Variants in PTPN4 observed in about 807,000 individuals in gnomAD.
PTPN4 encodes tyrosine-protein phosphatase non-receptor type 4.
Under a neutral mutation model 135.5 loss-of-function variants are expected in PTPN4, and 49 were observed. The ratio of observed to expected loss-of-function variants is 0.36; its 90% CI spans 0.29 to 0.46. PTPN4 has a LOEUF of 0.46. Ranked by LOEUF, PTPN4 falls within the 20% of genes least tolerant of loss-of-function variation. PTPN4 has a pLI of 1.00. For synonymous variants in PTPN4, 333 were observed against 369.9 expected (o/e 0.90, Z 1.14); for missense variants, 860 against 1,101.0 (o/e 0.78, Z 3.10).
intron 2 of PTPN4, among the ~76,000 whole-genome samples, chr2:119,821,209 C>T (rs966378322): frequency 6.6e-6 from 1 of 151,388 alleles, no homozygotes; most frequent in Non-Finnish European, 1.5e-5. Flanking sequence ...TCTTCTGCCT[C>T]AGCCTCCCAA....
intron 8 of PTPN4, 81 bp downstream of exon 8, chr2:119,882,704 G>A: frequency 8.6e-7 from 1 of 1,158,106 alleles, no homozygotes; most frequent in African/African-American, 1.6e-5. Flanking sequence ...CTAATATGAT[G>A]GCTGTATTTA....
In PTPN4 at chr2:119,900,821, T is replaced by G. The variant is rs745335848; in HGVS notation, c.764+15T>G. ...ACCTTTCCATGGTAAGAACATCTAT[T>G]GATACTTTTATGTTTACCACTGTAT... On this transcript the variant is annotated intron_variant, in intron 10 of 26. Coordinates refer to ENST00000263708, the MANE Select transcript of PTPN4 (RefSeq NM_002830.4). 4 of 1,443,560 alleles carry G rather than the reference T, an allele frequency of 2.8e-6. No individual in the cohort carries two copies. The highest frequency in any genetic ancestry group is 3.8e-4 in the Middle Eastern group (2 of 5,198). 89.4% of individuals were successfully genotyped at this position (1,443,560 alleles called of 1,614,324 possible).
chr2:119,895,213 T>C (rs976332780), intron 9 of PTPN4, among the ~76,000 whole-genome samples: 2 of 152,186 alleles, frequency 1.3e-5, no homozygotes, highest in Non-Finnish European at 2.9e-5. Context: ...TTGAAAGTAA[T>C]TAAGAAAATT....
chr2:119,767,920 T>C (rs909299802), intron 1 of PTPN4, among the ~76,000 whole-genome samples: 2 of 152,184 alleles, frequency 1.3e-5, no homozygotes, highest in Non-Finnish European at 2.9e-5. Context: ...TGGGAATTCT[T>C]ATGTGAGAAG....
At position 119,862,646 on chromosome 2, in the gene PTPN4, A is replaced by G; in HGVS notation, c.246+3A>G. On this transcript the variant is annotated splice_donor_region_variant and intron_variant, in intron 3 of 26. Transcript: ENST00000263708. ...CTGATGATTCCACAGATAACCCAGT[A>G]AGTGTAAGATTTTGTCTTTCATTTT... The G allele has an allele frequency of 6.3e-7, 1 of 1,596,844 alleles. No homozygotes were observed. Among genetic ancestry groups the G allele is most frequent in the Non-Finnish European group, 8.6e-7 (1 of 1,166,232 alleles).
chr2:119,901,377 G>A (rs1251310760), intron 10 of PTPN4, among the ~76,000 whole-genome samples: 1 of 152,212 alleles, frequency 6.6e-6, no homozygotes, highest in Non-Finnish European at 1.5e-5. Context: ...GGCTCAGATT[G>A]TTTAGGAGTC....
At chr2:119,968,716 C>T (rs1226208989) in intron 26 of PTPN4, among the ~76,000 whole-genome samples, 4 of 152,012 alleles carry the variant, frequency 2.6e-5, no homozygotes, top group Admixed American at 2.6e-4. Context: ...GGCGTGAACC[C>T]GGGAGGCGGA....
chr2:119,850,555 G>A (rs6726490), intron 2 of PTPN4, among the ~76,000 whole-genome samples: 52,221 of 152,102 alleles, frequency 0.34, 9,491 homozygotes, highest in African/African-American at 0.46. Flanking sequence ...ATCTGGGGAA[G>A]AAGGGATTTG....
intron 9 of PTPN4, among the ~76,000 whole-genome samples, chr2:119,893,974 G>A (rs1453049979): frequency 6.6e-6 from 1 of 151,952 alleles, no homozygotes. Context: ...ATAATAATAA[G>A]AGGAAACACC....
At chr2:119,825,438 T>A (rs2104959176) in intron 2 of PTPN4, among the ~76,000 whole-genome samples, 1 of 152,088 alleles carries the variant, frequency 6.6e-6, no homozygotes, top group Non-Finnish European at 1.5e-5. Context: ...ATCCAGGGAT[T>A]TTGCGGCTTG....
intron 1 of PTPN4, among the ~76,000 whole-genome samples, chr2:119,768,663 C>G (rs1249251727): frequency 6.6e-6 from 1 of 152,120 alleles, no homozygotes; most frequent in Non-Finnish European, 1.5e-5. Flanking sequence ...TGCTCAATCC[C>G]CTTGTATGTG....
rs570585782 is a variant in PTPN4, at chr2:119,847,275, T to C, written c.139-15261T>C. On this transcript the variant is annotated intron_variant, in intron 2 of 26. Coordinates refer to ENST00000263708, the MANE Select transcript of PTPN4 (RefSeq NM_002830.4). ...TAAGAAAAAAAGGAGATACTCTATA[T>C]ACACACACACACACACACACACACA... 4.8e-3 allele frequency among the ~76,000 whole-genome samples: 511 copies of C among 107,522 alleles called. 3 individuals are homozygous for C. Among genetic ancestry groups the C allele is most frequent in the Middle Eastern group, 0.029 (6 of 204 alleles). The allele number at this position is 107,522 out of a possible 152,430, so 70.5% of individuals were successfully genotyped here.
intron 10 of PTPN4, among the ~76,000 whole-genome samples, chr2:119,901,232 C>T (rs1242276449): frequency 6.6e-6 from 1 of 152,148 alleles, no homozygotes; most frequent in Non-Finnish European, 1.5e-5. Context: ...AGATCGCAGC[C>T]AAGAGGCACA....
rs201204423 is a variant in PTPN4 at position 119,915,161 on chromosome 2, T to G, written c.765-18T>G. 6 of 1,503,674 alleles carry G rather than the reference T, an allele frequency of 4.0e-6. No homozygotes were observed. Among genetic ancestry groups the G allele is most frequent in the Non-Finnish European group, 5.4e-6 (6 of 1,120,392 alleles). The allele number at this position is 1,503,674 out of a possible 1,614,324, so 93.1% of individuals were successfully genotyped here. A position where few individuals can be genotyped will look rare whatever the true frequency, so the allele number is the denominator to read the frequency against. ...ATCATTATTCAATACTTTGAATAAT[T>G]TATTGTCTTTTGTCCAGGTTGAAGA... On this transcript the variant is annotated intron_variant, in intron 10 of 26. Transcript: ENST00000263708.
chr2:119,782,874 T>TAA (rs113844450), intron 1 of PTPN4, among the ~76,000 whole-genome samples: 3,437 of 146,148 alleles, frequency 0.024, 126 homozygotes, highest in African/African-American at 0.077. Flanking sequence ...CCCGGCTAAT[T>TAA]AAAAAAAAAA....
chr2:119,927,518 A>G (rs1678843895), intron 13 of PTPN4, among the ~76,000 whole-genome samples: 1 of 152,218 alleles, frequency 6.6e-6, no homozygotes, highest in Admixed American at 6.5e-5. Flanking sequence ...AAGCCTCGGT[A>G]CCCAGAAACT....
At chr2:119,840,531 T>C (rs573546915) in intron 2 of PTPN4, among the ~76,000 whole-genome samples, 1 of 152,350 alleles carries the variant, frequency 6.6e-6, no homozygotes, top group South Asian at 2.1e-4. Context: ...CTATTGTGAA[T>C]AGTACTGTGA....
chr2:119,934,815 C>T lies in PTPN4; in HGVS notation c.1212C>T (p.Phe404=), dbSNP rs865945394. 1 of 1,613,798 alleles carries T rather than the reference C, an allele frequency of 6.2e-7. No homozygotes were observed. The highest frequency in any genetic ancestry group is 1.1e-5 in the South Asian group (1 of 91,018). ...PGTPNHRNST[F]TQEGTRLRPS... ...CTTTATTTAGTCGAAATTCTACATT[C>T]ACGCAGGAAGGAACCCGGTTACGAC... is the stretch of plus-strand genomic sequence containing the variant. The change falls in exon 15 of 27, where the codon TTC becomes TTT. Residue 404 remains phenylalanine, a synonymous_variant. Transcript: ENST00000263708.
chr2:119,881,970 A>G, intron 6 of PTPN4, 127 bp from the exon 7 acceptor site: 2 of 1,090,662 alleles, frequency 1.8e-6, no homozygotes, highest in Admixed American at 2.0e-5. Flanking sequence ...TTCATCAGAT[A>G]AGTTTATTTC....
Sources: gnomAD v4.1 joint callset for allele counts (sites outside exome capture counted in the v4.1 genomes callset) on GRCh38, gnomAD v4.1.1 for gene constraint, MANE v1.5 for transcripts, NCBI Gene and HGNC (gene_info 2026-07-23, HGNC 2026-07-21) for gene names.